NPR3: variants seen among roughly 807,000 people sequenced by gnomAD.
NPR3 encodes natriuretic peptide receptor 3, also known as atrial natriuretic peptide receptor 3.
Under a neutral mutation model 54.5 loss-of-function variants are expected in NPR3, and 34 were observed. The ratio of observed to expected loss-of-function variants is 0.62; its 90% CI spans 0.47 to 0.83. The LOEUF (loss-of-function observed/expected upper bound fraction) is 0.83. NPR3 is among the 40% of genes least tolerant of loss of function. NPR3 has a pLI of 0.00. For missense variants in NPR3, 674 were observed against 720.8 expected (o/e 0.94, Z 0.74); for synonymous variants, 289 against 297.1 (o/e 0.97, Z 0.28).
chr5:32,719,085 G>A (rs1051956128), intron 1 of NPR3, among the ~76,000 whole-genome samples: 1 of 152,092 alleles, frequency 6.6e-6, no homozygotes, highest in African/African-American at 2.4e-5. Context: ...TTTATCGAAG[G>A]CCTTTTCTGC....
intron 2 of NPR3, among the ~76,000 whole-genome samples, chr5:32,728,875 A>ATATATG (rs1739294369): frequency 7.2e-6 from 1 of 138,220 alleles, no homozygotes; most frequent in Non-Finnish European, 1.6e-5. Context: ...ATATATATAT[A>ATATATG]TGTAAAATGA....
chr5:32,785,314 T>G (rs10054225), intron 7 of NPR3, among the ~76,000 whole-genome samples: 6,691 of 152,084 alleles, frequency 0.044, 524 homozygotes, highest in African/African-American at 0.16. Flanking sequence ...CATGGCTGGC[T>G]AATTTTTTGT....
chr5:32,736,367 C>T (rs1439002033), intron 2 of NPR3, among the ~76,000 whole-genome samples: 2 of 151,998 alleles, frequency 1.3e-5, no homozygotes, highest in Admixed American at 6.5e-5. Context: ...CATTTCGGTC[C>T]GTGAGATAGT....
chr5:32,753,494 A>G (rs1740677746), intron 3 of NPR3, among the ~76,000 whole-genome samples: 1 of 152,162 alleles, frequency 6.6e-6, no homozygotes, highest in Non-Finnish European at 1.5e-5. Flanking sequence ...CAGCTCCAGC[A>G]GTTATACCCA....
chr5:32,760,668 T>G (rs78174483), intron 3 of NPR3, among the ~76,000 whole-genome samples: 2 of 136,192 alleles, frequency 1.5e-5, no homozygotes, highest in African/African-American at 5.3e-5. Context: ...TGAGCAGTGG[T>G]TTTTTTTTTT....
At chr5:32,711,273 C>A, upstream of NPR3, 1 of 978,724 alleles carries the variant, frequency 1.0e-6, no homozygotes, top group Non-Finnish European at 1.2e-6. Context: ...TGGTAACACG[C>A]TCAGCCGCTG....
In NPR3 at chr5:32,774,792, A is replaced by G. The variant is rs2112049474; in HGVS notation, c.1144A>G (p.Lys382Glu). 2 of 1,608,654 alleles carry G rather than the reference A, an allele frequency of 1.2e-6. No homozygotes were observed. Among genetic ancestry groups the G allele is most frequent in the East Asian group, 4.5e-5 (2 of 44,858 alleles). Residue 382 changes from lysine to glutamate, a missense_variant, in exon 4 of 8, where the codon AAA becomes GAA. Transcript: ENST00000265074. ...TGAAGTACTCAGAGCTGGTTACAGCAAAAAGGATGGAGGGAAAATTATACA... is the reference window on the plus strand; with the variant it reads ...TGAAGTACTCAGAGCTGGTTACAGCGAAAAGGATGGAGGGAAAATTATACA... ...LHEVLRAGYSKKDGGKIIQQT... is the reference protein window; with the variant it reads ...LHEVLRAGYSEKDGGKIIQQT...
upstream of NPR3, chr5:32,709,578 C>G (rs370374037): frequency 2.0e-5 from 3 of 151,926 alleles, no homozygotes; most frequent in Non-Finnish European, 4.4e-5. Context: ...GTTAGTGGCT[C>G]TAATTAAATA....
chr5:32,723,336 T>G (rs778169415), intron 1 of NPR3, among the ~76,000 whole-genome samples: 1 of 152,208 alleles, frequency 6.6e-6, no homozygotes, highest in Non-Finnish European at 1.5e-5. Flanking sequence ...GTAGCCCTTA[T>G]GTGGTAGGCA....
chr5:32,715,029 C>T (rs12522446), intron 1 of NPR3, among the ~76,000 whole-genome samples: 19,005 of 152,108 alleles, frequency 0.12, 1,252 homozygotes, highest in Admixed American at 0.2. Context: ...ATGAAGTGCT[C>T]AATAAATGTG....
chr5:32,767,679 T>G (rs982219230), intron 3 of NPR3, among the ~76,000 whole-genome samples: 4 of 152,224 alleles, frequency 2.6e-5, no homozygotes, highest in Middle Eastern at 3.4e-3. Flanking sequence ...CTTAGCTTAG[T>G]CCTCACCACA....
chr5:32,700,427 A>G (rs1347308467), intron 1 of NPR3, among the ~76,000 whole-genome samples: 3 of 151,774 alleles, frequency 2.0e-5, no homozygotes, highest in African/African-American at 7.3e-5. Flanking sequence ...TTTGAGTTCT[A>G]GGGTACATGC....
At position 32,737,507 on chromosome 5, in the gene NPR3, G is replaced by GACATT. The variant is rs1467322848; in HGVS notation, c.893-1357_893-1356insACATT. Among the ~76,000 whole-genome samples the GACATT allele has an allele frequency of 3.5e-4, 53 of 152,316 alleles. No individual in the cohort carries two copies. The East Asian group carries it at 6.6e-3, about 19-fold the overall frequency. On this transcript the variant is annotated intron_variant, in intron 2 of 7. Transcript: ENST00000265074. ...ATCCCAGAGACATTCTCACTGCTTA[G>GACATT]CTGTTGGGTTCAAGGCCTCTACCAA...
At chr5:32,705,285 C>G (rs188651482), upstream of NPR3, among the ~76,000 whole-genome samples, 1 of 152,308 alleles carries the variant, frequency 6.6e-6, no homozygotes, top group Non-Finnish European at 1.5e-5. Context: ...AGTGGCAGAC[C>G]ATCCACATCA....
Position 32,711,428 on chromosome 5 carries a change from T to G in NPR3, c.-349T>G, listed in dbSNP as rs574754280. 4 of 1,042,656 alleles carry G rather than the reference T, an allele frequency of 3.8e-6. No individual in the cohort carries two copies. In the East Asian group the frequency reaches 2.9e-4, roughly 77 times the overall value. The allele number at this position is 1,042,656 out of a possible 1,614,324, so 64.6% of individuals were successfully genotyped here. ...TACAAAAACGCTTTCAAAAGCAACC[T>G]TAGCAACGCCCAAATAAGAAGCCAC... On this transcript the variant is annotated 5_prime_UTR_variant, in exon 1 of 8. Transcript: ENST00000265074.
At chr5:32,724,927 G>A in intron 2 of NPR3, 107 bp downstream of exon 2, 1 of 1,200,720 alleles carries the variant, frequency 8.3e-7, no homozygotes, top group Non-Finnish European at 1.2e-6. Context: ...TAAACACCAT[G>A]GAATACTATG....
chr5:32,762,161 C>T (rs1181900001), intron 3 of NPR3, among the ~76,000 whole-genome samples: 1 of 152,098 alleles, frequency 6.6e-6, no homozygotes, highest in Non-Finnish European at 1.5e-5. Context: ...CCATAGTTTA[C>T]ATGTGCCACA....
chr5:32,732,499 C>T (rs980713349), intron 2 of NPR3, among the ~76,000 whole-genome samples: 9 of 152,112 alleles, frequency 5.9e-5, no homozygotes, highest in Non-Finnish European at 1.0e-4. Context: ...TTTAATTGGA[C>T]TCACTGCTAT....
intron 1 of NPR3, among the ~76,000 whole-genome samples, chr5:32,694,060 A>G (rs1483681956): frequency 6.6e-6 from 1 of 152,080 alleles, no homozygotes; most frequent in Non-Finnish European, 1.5e-5. Flanking sequence ...AGGCAGCCTG[A>G]GTTTCTGGAG....
Sources: allele counts gnomAD v4.1 joint callset (sites outside exome capture counted in the v4.1 genomes callset), GRCh38; gene constraint gnomAD v4.1.1; transcripts MANE v1.5; gene names NCBI Gene and HGNC (gene_info 2026-07-23, HGNC 2026-07-21).